The following PDGFD variants were observed in gnomAD, a reference collection of about 807,000 sequenced individuals.
The protein encoded by PDGFD is platelet derived growth factor D.
PDGFD carries 30 observed loss-of-function variants against 44.7 expected under a neutral mutation model. That is an observed-to-expected ratio of 0.67 (90% CI 0.50 to 0.91). The LOEUF is 0.91. Among genes scored for constraint, PDGFD ranks in the 40% least tolerant of loss-of-function variants. The pLI is 0.00. For synonymous variants in PDGFD, 173 were observed against 168.4 expected (o/e 1.03, Z -0.21); for missense variants, 445 against 457.8 (o/e 0.97, Z 0.25).
rs1313382288 is a variant in PDGFD at position 103,908,661 on chromosome 11, T to G, written c.*1033A>C. ...GAACACAAAAGCAAGATACATTAAA[T>G]TAATTGGTGTAGTTTGGAGAGTTCG... On this transcript the variant is annotated 3_prime_UTR_variant, in exon 7 of 7. Transcript: ENST00000393158. 1.3e-5 allele frequency: 2 copies of G among 152,234 alleles called. No individual in the cohort carries two copies. Among genetic ancestry groups the G allele is most frequent in the Non-Finnish European group, 2.9e-5 (2 of 68,034 alleles). 9.4% of individuals were successfully genotyped at this position (152,234 alleles called of 1,614,324 possible).
In PDGFD at chr11:103,943,520, T is replaced by A. The variant is rs747056326; in HGVS notation, c.704A>T (p.Asp235Val). 2.5e-6 allele frequency: 4 copies of A among 1,613,384 alleles called. No individual in the cohort carries two copies. The South Asian group carries it at 4.4e-5, about 18-fold the overall frequency. The change falls in exon 5 of 7, where the codon GAT (aspartate) becomes GTT (valine). Residue 235 changes from aspartate (D) to valine (V), a missense_variant. Coordinates refer to ENST00000393158, the MANE Select transcript of PDGFD (RefSeq NM_025208.5). ...GGTGTCCAGATACATATTCTCAAGA[T>A]CTTCTTGCCATGACTCTGGATTGAA... ...KYFNPESWQE[D>V]LENMYLDTPR...
Position 103,996,216 on chromosome 11 carries a change from G to C in PDGFD, c.359C>G (p.Ser120Cys), listed in dbSNP as rs940921893. ...TCCTCTAATAATGGTACTGGTTTCG[G>C]ATATATCTTCAACTTCCACAAAATC... ...RYDFVEVEDI[S>C]ETSTIIRGRW... Residue 120 changes from serine (S) to cysteine (C), a missense_variant, in exon 3 of 7, where the codon TCC becomes TGC. Coordinates refer to ENST00000393158, the MANE Select transcript of PDGFD (RefSeq NM_025208.5). The C allele has an allele frequency of 6.2e-7, 1 of 1,611,720 alleles. No homozygotes were observed. Among genetic ancestry groups the C allele is most frequent in the Non-Finnish European group, 8.5e-7 (1 of 1,178,970 alleles).
chr11:104,157,484 A>G (rs1369119910), intron 1 of PDGFD, among the ~76,000 whole-genome samples: 1 of 152,120 alleles, frequency 6.6e-6, no homozygotes, highest in African/African-American at 2.4e-5. Context: ...ATTACTCCCC[A>G]TGCCTTTCAC....
chr11:103,993,211 G>A (rs1591111481), intron 3 of PDGFD, among the ~76,000 whole-genome samples: 2 of 152,104 alleles, frequency 1.3e-5, no homozygotes, highest in African/African-American at 4.8e-5. Flanking sequence ...GAGGTTACAG[G>A]CATGTGCCAT....
chr11:104,099,842 C>T (rs959639602), intron 1 of PDGFD, among the ~76,000 whole-genome samples: 5 of 151,858 alleles, frequency 3.3e-5, no homozygotes, highest in Admixed American at 2.0e-4. Flanking sequence ...CAATTGCTAA[C>T]GTAGATATCA....
At chr11:104,044,076 T>G (rs570124100) in intron 1 of PDGFD, among the ~76,000 whole-genome samples, 1 of 152,344 alleles carries the variant, frequency 6.6e-6, no homozygotes, top group East Asian at 1.9e-4. Context: ...GTCGATTGGA[T>G]GAAGCATTTG....
At chr11:104,112,343 G>C (rs1861571125) in intron 1 of PDGFD, among the ~76,000 whole-genome samples, 1 of 151,784 alleles carries the variant, frequency 6.6e-6, no homozygotes. Context: ...TTTAAAAAGT[G>C]TCTATTCATG....
intron 6 of PDGFD, among the ~76,000 whole-genome samples, chr11:103,913,841 C>T (rs937831149): frequency 2.0e-4 from 30 of 152,136 alleles, no homozygotes; most frequent in African/African-American, 6.5e-4. Flanking sequence ...CACAGAAATA[C>T]AAACTATTAT....
At chr11:104,100,226 A>G (rs906373279) in intron 1 of PDGFD, among the ~76,000 whole-genome samples, 1 of 152,102 alleles carries the variant, frequency 6.6e-6, no homozygotes, top group Non-Finnish European at 1.5e-5. Context: ...GGTCATTGAA[A>G]TGTGGATGCC....
chr11:104,110,523 A>C (rs1203985879), intron 1 of PDGFD, among the ~76,000 whole-genome samples: 7 of 151,598 alleles, frequency 4.6e-5, no homozygotes, highest in South Asian at 2.1e-4. Flanking sequence ...AAAACAACAA[A>C]AAAAAGAAAC....
At chr11:104,076,515 T>G (rs1860960980) in intron 1 of PDGFD, among the ~76,000 whole-genome samples, 1 of 152,196 alleles carries the variant, frequency 6.6e-6, no homozygotes. Flanking sequence ...CAGTTCTAAT[T>G]TATCTTTTAA....
chr11:104,141,857 C>A (rs1057175999), intron 1 of PDGFD, among the ~76,000 whole-genome samples: 1 of 152,060 alleles, frequency 6.6e-6, no homozygotes, highest in Non-Finnish European at 1.5e-5. Context: ...ACCCCTATTT[C>A]GACATTTTTA....
intron 5 of PDGFD, 22 bp downstream of exon 5, chr11:103,943,430 T>C (rs757265519): frequency 4.4e-6 from 7 of 1,595,292 alleles, no homozygotes; most frequent in South Asian, 3.3e-5. Context: ...TTATGAAGAA[T>C]GTACAAGTGT....
At chr11:103,936,002 A>G (rs1204469679) in intron 5 of PDGFD, among the ~76,000 whole-genome samples, 2 of 152,144 alleles carry the variant, frequency 1.3e-5, no homozygotes, top group Non-Finnish European at 2.9e-5. Context: ...CTCTATTTCT[A>G]TTAAATTTAT....
chr11:104,034,384 A>T (rs1007725158), intron 1 of PDGFD, among the ~76,000 whole-genome samples: 2 of 152,014 alleles, frequency 1.3e-5, no homozygotes, highest in African/African-American at 2.4e-5. Context: ...TAGAAACATT[A>T]TGATAATTAG....
intron 3 of PDGFD, among the ~76,000 whole-genome samples, chr11:103,956,578 G>A (rs999074769): frequency 1.3e-5 from 2 of 151,670 alleles, no homozygotes; most frequent in African/African-American, 4.9e-5. Context: ...TATATATCCA[G>A]TAATGGGATG....
intron 6 of PDGFD, among the ~76,000 whole-genome samples, chr11:103,922,493 G>C (rs1454372105): frequency 6.6e-6 from 1 of 152,042 alleles, no homozygotes. Context: ...CATGTAGCAA[G>C]TCATAAGACC....
chr11:103,943,610 A>G lies in PDGFD; in HGVS notation c.614T>C (p.Leu205Pro), dbSNP rs1242647019. The G allele has an allele frequency of 1.2e-6, 2 of 1,613,090 alleles. No individual in the cohort carries two copies. The highest frequency in any genetic ancestry group is 1.3e-5 in the African/African-American group (1 of 74,892). ...TTTTTTGTCCAGAGCATCCGCAATC[A>G]GAGTGGGATCCGTTACTGATGGAGA... ...YNSPSVTDPT[L>P]IADALDKKIA... Residue 205 changes from leucine (L) to proline (P), a missense_variant, in exon 5 of 7, where the codon CTG becomes CCG. By Grantham distance (98) the Leu-to-Pro change is moderately conservative. Transcript: ENST00000393158.
intron 1 of PDGFD, among the ~76,000 whole-genome samples, chr11:104,097,692 T>C (rs1861306262): frequency 6.6e-6 from 1 of 152,220 alleles, no homozygotes; most frequent in Admixed American, 6.5e-5. Flanking sequence ...CAGATTTTTC[T>C]AACAATCCCC....
Sources: gnomAD v4.1 joint callset for allele counts (sites outside exome capture counted in the v4.1 genomes callset) on GRCh38, gnomAD v4.1.1 for gene constraint, MANE v1.5 for transcripts, NCBI Gene and HGNC (gene_info 2026-07-23, HGNC 2026-07-21) for gene names.